The following C2CD3 variants were observed in gnomAD, a reference collection of about 807,000 sequenced individuals.
C2CD3 encodes C2 domain-containing protein 3.
A neutral mutation model predicts 234.0 loss-of-function variants in C2CD3; 148 were observed. The ratio of observed to expected loss-of-function variants is 0.63; its 90% CI spans 0.55 to 0.72. The LOEUF is 0.72. Among genes scored for constraint, C2CD3 ranks in the 30% least tolerant of loss-of-function variants. The pLI is 0.00. For synonymous variants in C2CD3, 1,000 were observed against 1,035.4 expected, an observed-to-expected ratio of 0.97 and a Z score of 0.66; for missense variants, 2,577 against 2,811.5, an observed-to-expected ratio of 0.92 and a Z score of 1.89.
intron 28 of C2CD3, 139 bp downstream of exon 28, chr11:74,048,066 G>A (rs1953473796): frequency 1.1e-6 from 1 of 896,202 alleles, no homozygotes; most frequent in African/African-American, 1.7e-5. Context: ...TGGGGTTTTT[G>A]GAGTTGTGAC....
At position 74,013,360 on chromosome 11, in the gene C2CD3, C is replaced by T. The variant is rs554297653; in HGVS notation, c.*25G>A. On this transcript the variant is annotated 3_prime_UTR_variant, in exon 33 of 33. Coordinates refer to ENST00000334126, the MANE Select transcript of C2CD3 (RefSeq NM_001286577.2). ...CTGACGGAGGGTGGGCAGGTGTCTC[C>T]TTCCCCCCAGCCCCTCAGGCTGCGT... 1.0e-5 allele frequency: 8 copies of T among 795,706 alleles called. No individual in the cohort carries two copies. Among genetic ancestry groups the T allele is most frequent in the East Asian group, 3.3e-5 (1 of 30,346 alleles). The allele number at this position is 795,706 out of a possible 1,614,324, so 49.3% of individuals were successfully genotyped here.
At chr11:74,082,240 G>A (rs893532812) in intron 22 of C2CD3, among the ~76,000 whole-genome samples, 2 of 150,922 alleles carry the variant, frequency 1.3e-5, no homozygotes, top group African/African-American at 4.9e-5. Context: ...CTCAGCCCCC[G>A]GAGTAGCTGG....
intron 16 of C2CD3, among the ~76,000 whole-genome samples, chr11:74,096,497 C>CT (rs1438645732): frequency 2.0e-5 from 3 of 151,776 alleles, no homozygotes; most frequent in African/African-American, 7.3e-5. Flanking sequence ...AAAAAAAAAT[C>CT]TCTCAGAGTC....
chr11:74,038,045 C>G (rs192082058), intron 29 of C2CD3, among the ~76,000 whole-genome samples: 1 of 152,318 alleles, frequency 6.6e-6, no homozygotes, highest in East Asian at 1.9e-4. Context: ...TGCGCTAACA[C>G]TGTCCTTTGC....
At chr11:74,107,685 AC>A (rs1420731715) in intron 12 of C2CD3, among the ~76,000 whole-genome samples, 1 of 152,172 alleles carries the variant, frequency 6.6e-6, no homozygotes, top group Admixed American at 6.5e-5. Context: ...GAAGAATAAA[AC>A]CTACATACAA....
At chr11:74,146,948 G>A (rs182627670) in intron 3 of C2CD3, among the ~76,000 whole-genome samples, 142 of 152,170 alleles carry the variant, frequency 9.3e-4, no homozygotes, top group African/African-American at 3.2e-3. Flanking sequence ...AGCTACTTGG[G>A]AGGCTGAGGC....
intron 19 of C2CD3, chr11:74,091,462 T>C (rs1260811990): frequency 6.5e-6 from 1 of 152,678 alleles, no homozygotes; most frequent in Non-Finnish European, 1.5e-5. Context: ...TCAATCTTAA[T>C]TATGGTGACA....
rs778806780 is a variant in C2CD3 at position 74,013,495 on chromosome 11, AG to A, written c.6951del (p.Ser2318ProfsTer40). ...QDKSEATRGALSQRPCRPRPN... is the reference protein window; with the variant it reads ...QDKSEATRGAXSQRPCRPRPN... The stretch of plus-strand genomic sequence containing the variant: ...GGTCTGGGGCGACAAGGCCTTTGGG[AG>A]AGAGCTCCCCTGGTGGCTTCGCTCT... On this transcript the variant is annotated frameshift_variant, in exon 33 of 33. Coordinates refer to ENST00000334126, the MANE Select transcript of C2CD3 (RefSeq NM_001286577.2). LOFTEE classifies it high-confidence loss of function. 6.5e-5 allele frequency: 90 copies of A among 1,390,734 alleles called. No homozygotes were observed. The South Asian group carries it at 1.2e-3, about 18-fold the overall frequency. The allele number at this position is 1,390,734 out of a possible 1,614,324, so 86.1% of individuals were successfully genotyped here.
intron 32 of C2CD3, among the ~76,000 whole-genome samples, chr11:74,025,128 C>T (rs1952237165): frequency 6.6e-6 from 1 of 151,960 alleles, no homozygotes; most frequent in Admixed American, 6.6e-5. Flanking sequence ...ATTTAATAGA[C>T]CAAAGACATA....
At position 74,085,111 on chromosome 11, in the gene C2CD3, C is replaced by T. The variant is rs188344784; in HGVS notation, c.3911-141G>A. ...TGCATTAGAGATTATCTTGCTCTTG[C>T]TCATGCCCCAATCAAAGCCTGAATG... On this transcript the variant is annotated intron_variant, in intron 21 of 32. Coordinates refer to ENST00000334126, the MANE Select transcript of C2CD3 (RefSeq NM_001286577.2). 1.6e-3 allele frequency: 843 copies of T among 533,024 alleles called. 2 individuals are homozygous for T. Among genetic ancestry groups the T allele is most frequent in the Middle Eastern group, 9.6e-3 (19 of 1,970 alleles). 33.0% of individuals were successfully genotyped at this position (533,024 alleles called of 1,614,324 possible).
chr11:74,060,098 G>A (rs1232783144), intron 24 of C2CD3, among the ~76,000 whole-genome samples: 5 of 152,326 alleles, frequency 3.3e-5, no homozygotes, highest in African/African-American at 7.2e-5. Context: ...TGAGGCTTGA[G>A]TAGGTAAACA....
intron 9 of C2CD3, among the ~76,000 whole-genome samples, chr11:74,117,361 A>AATATATCTATATAT (rs1957057072): frequency 1.1e-5 from 1 of 94,832 alleles, no homozygotes; most frequent in Non-Finnish European, 2.1e-5. Flanking sequence ...TTTGGCCTCA[A>AATATATCTATATAT]ATATATATAT....
intron 11 of C2CD3, among the ~76,000 whole-genome samples, chr11:74,110,102 T>TAAATAAATAAATAAATAAAA (rs1956690943): frequency 2.4e-5 from 3 of 126,044 alleles, no homozygotes; most frequent in African/African-American, 6.5e-5. Context: ...AATAAATAAA[T>TAAATAAATAAATAAATAAAA]AAAATAAAAT....
intron 24 of C2CD3, among the ~76,000 whole-genome samples, chr11:74,067,491 GA>G (rs1029043618): frequency 6.6e-6 from 1 of 151,832 alleles, no homozygotes; most frequent in Non-Finnish European, 1.5e-5. Flanking sequence ...GCATATTAAA[GA>G]AAAAAATTTT....
chr11:74,104,540 G>C (rs1020682546), intron 13 of C2CD3, among the ~76,000 whole-genome samples: 2 of 151,892 alleles, frequency 1.3e-5, no homozygotes, highest in Non-Finnish European at 2.9e-5. Flanking sequence ...TAAAGGGACA[G>C]AGAGAGAGAG....
intron 8 of C2CD3, 59 bp from the exon 9 acceptor site, chr11:74,118,441 G>A (rs140067832): frequency 1.3e-5 from 18 of 1,383,878 alleles, no homozygotes; most frequent in Middle Eastern, 2.1e-4. Context: ...TTGTAGCTAC[G>A]AAACATTTCT....
intron 26 of C2CD3, 130 bp from the exon 27 acceptor site, chr11:74,049,672 A>T: frequency 4.4e-6 from 3 of 686,164 alleles, no homozygotes; most frequent in Non-Finnish European, 7.3e-6. Context: ...CAGAGAAGAC[A>T]GATAATGAAG....
chr11:74,115,658 C>T (rs184851595), intron 9 of C2CD3, among the ~76,000 whole-genome samples: 5 of 152,072 alleles, frequency 3.3e-5, no homozygotes, highest in African/African-American at 1.2e-4. Flanking sequence ...AAAGAGCCCA[C>T]ATAGCCAAAG....
At chr11:74,031,105 A>C (rs959851809) in intron 31 of C2CD3, among the ~76,000 whole-genome samples, 1 of 152,100 alleles carries the variant, frequency 6.6e-6, no homozygotes, top group Admixed American at 6.5e-5. Flanking sequence ...TCTCATATGT[A>C]CATCTGACCA....
Sources: allele counts gnomAD v4.1 joint callset (sites outside exome capture counted in the v4.1 genomes callset), GRCh38; gene constraint gnomAD v4.1.1; transcripts MANE v1.5; gene names NCBI Gene and HGNC (gene_info 2026-07-23, HGNC 2026-07-21).